SPPL2A: variants seen among roughly 807,000 people sequenced by gnomAD.
The protein encoded by SPPL2A is signal peptide peptidase-like 2A.
SPPL2A carries 51 observed loss-of-function variants against 63.8 expected under a neutral mutation model. The observed-to-expected ratio is 0.80, with a 90% CI of 0.64 to 1.01. SPPL2A has a LOEUF of 1.01. SPPL2A is among the 50% of genes least tolerant of loss of function. The probability of loss-of-function intolerance (pLI) is 0.00; values close to 1 mark genes in which losing one functional copy is unlikely to be tolerated. For missense variants in SPPL2A, 553 were observed against 622.7 expected (o/e 0.89, Z 1.19); for synonymous variants, 188 against 205.8 (o/e 0.91, Z 0.74).
intron 6 of SPPL2A, among the ~76,000 whole-genome samples, chr15:50,738,647 G>C (rs924414368): frequency 3.3e-5 from 5 of 151,800 alleles, no homozygotes; most frequent in African/African-American, 9.7e-5. Context: ...GGTAGCCTTT[G>C]GTGGTTCTTA....
chr15:50,764,863 T>C (rs538145536), intron 1 of SPPL2A, among the ~76,000 whole-genome samples: 1 of 152,082 alleles, frequency 6.6e-6, no homozygotes, highest in East Asian at 1.9e-4. Context: ...TACATTTTGG[T>C]GTCTTCTTTT....
chr15:50,719,390 G>A (rs1018246287), intron 14 of SPPL2A, among the ~76,000 whole-genome samples: 5 of 151,838 alleles, frequency 3.3e-5, no homozygotes, highest in Non-Finnish European at 5.9e-5. Context: ...GATTACAGGC[G>A]CCTGCCACAA....
In SPPL2A at chr15:50,719,921, C is replaced by A; in HGVS notation, c.1488+19G>T. The A allele has an allele frequency of 6.3e-7, 1 of 1,585,560 alleles. No individual in the cohort carries two copies. The highest frequency in any genetic ancestry group is 8.6e-7 in the Non-Finnish European group (1 of 1,166,676). ...ATTAAGCCATAAGATAACTTGGTAA[C>A]CAAAGTATAAGCACATACCTGATAG... On this transcript the variant is annotated intron_variant, in intron 14 of 14. Transcript: ENST00000261854.
At chr15:50,737,609 T>C (rs904694292) in intron 6 of SPPL2A, among the ~76,000 whole-genome samples, 1 of 151,948 alleles carries the variant, frequency 6.6e-6, no homozygotes, top group East Asian at 2.0e-4. Flanking sequence ...CGCACCACCA[T>C]GCCCAGCTAA....
intron 13 of SPPL2A, among the ~76,000 whole-genome samples, chr15:50,720,322 C>T (rs1049992154): frequency 6.6e-6 from 1 of 152,020 alleles, no homozygotes; most frequent in African/African-American, 2.4e-5. Context: ...ACTAACCTAA[C>T]CATGTATCAT....
chr15:50,758,886 ATATCTATCTATC>A (rs79216272), intron 1 of SPPL2A, among the ~76,000 whole-genome samples: 21,104 of 149,588 alleles, frequency 0.14, 1,850 homozygotes, highest in East Asian at 0.35. Flanking sequence ...TATAATAAGC[ATATCTATCTATC>A]TATCTATCTA....
intron 14 of SPPL2A, among the ~76,000 whole-genome samples, chr15:50,709,623 C>T (rs1467841170): frequency 2.0e-5 from 3 of 151,904 alleles, no homozygotes. Context: ...AACCCTGTCT[C>T]TACTAAAAAT....
intron 8 of SPPL2A, among the ~76,000 whole-genome samples, chr15:50,734,135 G>A (rs536557617): frequency 2.6e-5 from 4 of 152,132 alleles, no homozygotes; most frequent in South Asian, 2.1e-4. Flanking sequence ...CAGCAATCCC[G>A]CCATTGGATA....
intron 8 of SPPL2A, among the ~76,000 whole-genome samples, chr15:50,733,612 T>C (rs924401430): frequency 2.6e-5 from 4 of 152,156 alleles, no homozygotes; most frequent in Non-Finnish European, 5.9e-5. Flanking sequence ...TTGGCAAAGA[T>C]TTCTTGAGTA....
intron 14 of SPPL2A, among the ~76,000 whole-genome samples, chr15:50,718,468 G>A (rs1181632183): frequency 6.6e-6 from 1 of 152,138 alleles, no homozygotes; most frequent in African/African-American, 2.4e-5. Flanking sequence ...TTAGCATAGT[G>A]TATATCATAG....
intron 6 of SPPL2A, among the ~76,000 whole-genome samples, chr15:50,737,541 C>T (rs927401491): frequency 6.6e-6 from 1 of 152,150 alleles, no homozygotes; most frequent in Non-Finnish European, 1.5e-5. Context: ...CAACCTCCGC[C>T]TCCCAGGCTT....
At chr15:50,746,337 C>CT (rs1486881216) in intron 5 of SPPL2A, among the ~76,000 whole-genome samples, 5 of 147,122 alleles carry the variant, frequency 3.4e-5, no homozygotes, top group Non-Finnish European at 7.4e-5. Flanking sequence ...ACTTGGGAGG[C>CT]TGAGGCAGGA....
chr15:50,717,919 C>T (rs2062609759), intron 14 of SPPL2A, among the ~76,000 whole-genome samples: 1 of 147,972 alleles, frequency 6.8e-6, no homozygotes. Flanking sequence ...GTTTATCACA[C>T]TTTATTGTTA....
intron 14 of SPPL2A, among the ~76,000 whole-genome samples, chr15:50,712,939 C>T (rs1028556101): frequency 6.6e-6 from 1 of 152,098 alleles, no homozygotes; most frequent in South Asian, 2.1e-4. Context: ...CCGCCTTGGC[C>T]TCCCAAAGTG....
intron 14 of SPPL2A, among the ~76,000 whole-genome samples, chr15:50,719,417 T>C (rs930473986): frequency 3.3e-4 from 51 of 152,272 alleles, no homozygotes; most frequent in Non-Finnish European, 2.8e-4. Context: ...GCTAATTTTT[T>C]GTATTTTTAG....
rs563227892 is a variant in SPPL2A at position 50,748,050 on chromosome 15, G to C, written c.450+63C>G. ...ATATAACACTCAAAATTAAACATTA[G>C]TGATTAAAAATAAAGAGATACAGTA... On this transcript the variant is annotated intron_variant, in intron 4 of 14. Transcript: ENST00000261854. The C allele has an allele frequency of 1.3e-4, 89 of 665,444 alleles. No homozygotes were observed. The South Asian group carries it at 2.1e-3, about 16-fold the overall frequency. The allele number at this position is 665,444 out of a possible 1,614,324, so 41.2% of individuals were successfully genotyped here.
chr15:50,736,840 C>A, intron 6 of SPPL2A, 100 bp from the exon 7 acceptor site: 1 of 597,266 alleles, frequency 1.7e-6, no homozygotes. Context: ...TTTATTGAAT[C>A]ATACTTCCAA....
At chr15:50,752,034 C>T (rs2062911575) in intron 1 of SPPL2A, among the ~76,000 whole-genome samples, 1 of 151,854 alleles carries the variant, frequency 6.6e-6, no homozygotes, top group African/African-American at 2.4e-5. Context: ...TTTTGTCACG[C>T]TGGCCAGGCT....
intron 10 of SPPL2A, among the ~76,000 whole-genome samples, chr15:50,726,764 A>G (rs2062691172): frequency 6.6e-6 from 1 of 152,224 alleles, no homozygotes; most frequent in East Asian, 1.9e-4. Context: ...AGTTTTCAGT[A>G]ATGTCAGTGA....
Sources: gnomAD v4.1 joint callset for allele counts (sites outside exome capture counted in the v4.1 genomes callset) on GRCh38, gnomAD v4.1.1 for gene constraint, MANE v1.5 for transcripts, NCBI Gene and HGNC (gene_info 2026-07-23, HGNC 2026-07-21) for gene names.